PLA2G5: variants seen among roughly 807,000 people sequenced by gnomAD.
PLA2G5 encodes the protein Ca2+-dependent phospholipase A2.
Under a neutral mutation model 15.9 loss-of-function variants are expected in PLA2G5, and 12 were observed. The observed-to-expected ratio is 0.76, with a 90% CI of 0.48 to 1.23. PLA2G5 has a LOEUF of 1.23. Ranked by LOEUF, PLA2G5 falls within the 50% of genes most tolerant of loss-of-function variation. The pLI is 0.00. For missense variants in PLA2G5, 169 were observed against 177.1 expected (o/e 0.95, Z 0.26); for synonymous variants, 71 against 71.4 (o/e 0.99, Z 0.03).
At chr1:20,071,515 A>G (rs936063475) in intron 1 of PLA2G5, among the ~76,000 whole-genome samples, 7 of 152,208 alleles carry the variant, frequency 4.6e-5, no homozygotes, top group African/African-American at 1.7e-4. Flanking sequence ...TGGGAGAGAC[A>G]TTGCAACACA....
chr1:20,089,765 G>A (rs886526930), intron 3 of PLA2G5, 24 bp from the exon 4 acceptor site: 2 of 1,600,130 alleles, frequency 1.2e-6, no homozygotes, highest in Non-Finnish European at 1.7e-6. Flanking sequence ...TCCCACTCGG[G>A]ATCTAAGTCT....
At chr1:20,068,118 CA>C (rs1321548098), upstream of PLA2G5, among the ~76,000 whole-genome samples, 2 of 150,766 alleles carry the variant, frequency 1.3e-5, no homozygotes, top group South Asian at 2.1e-4. Flanking sequence ...GACTCCGTCT[CA>C]AAAAAAATAA....
chr1:20,070,570 A>G, intron 1 of PLA2G5, 105 bp downstream of exon 1: 1 of 652,032 alleles, frequency 1.5e-6, no homozygotes, highest in Non-Finnish European at 1.9e-6. Context: ...GAGGAGGCCC[A>G]GGGGGAGGTG....
At chr1:20,089,537 C>T (rs965039223) in intron 3 of PLA2G5, among the ~76,000 whole-genome samples, 3 of 152,260 alleles carry the variant, frequency 2.0e-5, no homozygotes, top group African/African-American at 7.2e-5. Flanking sequence ...ATCATGTGGC[C>T]ACACCTACTC....
At chr1:20,090,468 T>G in intron 4 of PLA2G5, 100 bp from the exon 5 acceptor site, 1 of 1,209,910 alleles carries the variant, frequency 8.3e-7, no homozygotes, top group Non-Finnish European at 1.2e-6. Context: ...GCCTCTTCCA[T>G]CAGGCTGAAA....
intron 1 of PLA2G5, among the ~76,000 whole-genome samples, chr1:20,029,504 C>G (rs1055980117): frequency 2.0e-5 from 3 of 152,064 alleles, no homozygotes; most frequent in African/African-American, 7.2e-5. Flanking sequence ...GCTAGCGTCC[C>G]GGGTTTTTAT....
intron 1 of PLA2G5, among the ~76,000 whole-genome samples, chr1:20,047,828 A>G (rs995211495): frequency 6.6e-6 from 1 of 151,958 alleles, no homozygotes; most frequent in African/African-American, 2.4e-5. Flanking sequence ...AATCCATTTT[A>G]ATTTTCCTGT....
At chr1:20,040,860 G>T (rs926711662) in intron 1 of PLA2G5, among the ~76,000 whole-genome samples, 1 of 152,096 alleles carries the variant, frequency 6.6e-6, no homozygotes, top group African/African-American at 2.4e-5. Flanking sequence ...AAACTCAAAG[G>T]AATACAACGA....
intron 1 of PLA2G5, among the ~76,000 whole-genome samples, chr1:20,071,489 GTTGC>G (rs1214254839): frequency 6.6e-6 from 1 of 152,182 alleles, no homozygotes; most frequent in African/African-American, 2.4e-5. Flanking sequence ...CTGTCCGCAG[GTTGC>G]TCACAGCCTG....
At chr1:20,053,619 G>A (rs774241158) in intron 1 of PLA2G5, among the ~76,000 whole-genome samples, 2 of 149,076 alleles carry the variant, frequency 1.3e-5, no homozygotes, top group African/African-American at 2.5e-5. Flanking sequence ...AAAGATGAAA[G>A]TCATACTAAA....
chr1:20,035,224 G>C (rs929394306), intron 1 of PLA2G5, among the ~76,000 whole-genome samples: 1 of 152,132 alleles, frequency 6.6e-6, no homozygotes, highest in Non-Finnish European at 1.5e-5. Context: ...AGAGATGGGA[G>C]ACCAACTTAA....
intron 1 of PLA2G5, among the ~76,000 whole-genome samples, chr1:20,071,967 G>A (rs1234365441): frequency 6.6e-6 from 1 of 152,118 alleles, no homozygotes; most frequent in African/African-American, 2.4e-5. Context: ...AATTAGCCAG[G>A]TATGATGGTG....
intron 2 of PLA2G5, among the ~76,000 whole-genome samples, chr1:20,062,485 C>T (rs2014784121): frequency 6.6e-6 from 1 of 152,208 alleles, no homozygotes; most frequent in African/African-American, 2.4e-5. Flanking sequence ...CCACTTCTGT[C>T]CTCTCCTGAG....
Position 20,084,804 on chromosome 1 carries a change from T to C in PLA2G5, c.-10-17T>C, listed in dbSNP as rs2016200659. The C allele has an allele frequency of 1.3e-6, 2 of 1,580,556 alleles. No individual in the cohort carries two copies. Among genetic ancestry groups the C allele is most frequent in the African/African-American group, 1.3e-5 (1 of 74,398 alleles). ...ATTGCCTGATAGATCTGTTGTGGGA[T>C]GTGTTTTTTTTTCCAGAACCCCAGA... On this transcript the variant is annotated splice_polypyrimidine_tract_variant and intron_variant, in intron 1 of 4. Coordinates refer to ENST00000375108, the MANE Select transcript of PLA2G5 (RefSeq NM_000929.3).
chr1:20,047,559 C>T (rs1324673373), intron 1 of PLA2G5, among the ~76,000 whole-genome samples: 2 of 152,004 alleles, frequency 1.3e-5, no homozygotes, highest in African/African-American at 2.4e-5. Context: ...CATAAGTTCT[C>T]TTTTTTTCTC....
intron 1 of PLA2G5, among the ~76,000 whole-genome samples, chr1:20,045,494 A>G (rs1168477426): frequency 2.0e-5 from 3 of 152,190 alleles, no homozygotes; most frequent in Non-Finnish European, 4.4e-5. Flanking sequence ...TGGATAAAAC[A>G]TATCTCCTCT....
intron 1 of PLA2G5, among the ~76,000 whole-genome samples, chr1:20,047,146 G>A (rs529870): frequency 0.52 from 78,744 of 151,956 alleles, 21,293 homozygotes; most frequent in Non-Finnish European, 0.62. Flanking sequence ...TTGAAAGAAT[G>A]AGGCTCATCC....
At chr1:20,029,348 T>C (rs941469160) in intron 1 of PLA2G5, among the ~76,000 whole-genome samples, 1 of 134,492 alleles carries the variant, frequency 7.4e-6, no homozygotes, top group Non-Finnish European at 1.6e-5. Context: ...CCTCCCCTGA[T>C]ACGTTCCTCC....
At chr1:20,077,660 G>A (rs1240764017) in intron 1 of PLA2G5, among the ~76,000 whole-genome samples, 2 of 152,250 alleles carry the variant, frequency 1.3e-5, no homozygotes, top group South Asian at 2.1e-4. Flanking sequence ...TTATCTCATC[G>A]AATTATCAGC....
Sources: gnomAD v4.1 joint callset for allele counts (sites outside exome capture counted in the v4.1 genomes callset) on GRCh38, gnomAD v4.1.1 for gene constraint, MANE v1.5 for transcripts, NCBI Gene and HGNC (gene_info 2026-07-23, HGNC 2026-07-21) for gene names.